The following ADAP1 variants were observed in gnomAD, a reference collection of about 807,000 sequenced individuals.
ADAP1 encodes ArfGAP with dual PH domains 1, also known as arf-GAP with dual PH domain-containing protein 1.
A neutral mutation model predicts 54.9 loss-of-function variants in ADAP1; 31 were observed. The ratio of observed to expected loss-of-function variants is 0.56; its 90% CI spans 0.42 to 0.76. The LOEUF is 0.76. Ranked by LOEUF, ADAP1 falls within the 30% of genes least tolerant of loss-of-function variation. The pLI, the probability that ADAP1 is intolerant of heterozygous loss-of-function variation, is 0.00. For synonymous variants in ADAP1, 313 were observed against 202.6 expected (o/e 1.55, Z -4.63); for missense variants, 535 against 512.4 (o/e 1.04, Z -0.42).
intron 6 of ADAP1, among the ~76,000 whole-genome samples, chr7:902,820 C>T (rs929300496): frequency 2.0e-5 from 3 of 150,550 alleles, no homozygotes; most frequent in South Asian, 2.1e-4. Flanking sequence ...ATTTCAAAAC[C>T]GCGGGACAAA....
At chr7:906,755 T>TGGACAGGGGACATCGGGGATGGGACAG (rs1845453332) in intron 4 of ADAP1, among the ~76,000 whole-genome samples, 1 of 22,236 alleles carries the variant, frequency 4.5e-5, no homozygotes, top group African/African-American at 2.0e-4. Flanking sequence ...ATAGGGGACA[T>TGGACAGGGGACATCGGGGATGGGACAG]GGACAGGGGA....
chr7:952,323 G>C (rs533360914), intron 1 of ADAP1, among the ~76,000 whole-genome samples: 2 of 152,316 alleles, frequency 1.3e-5, no homozygotes, highest in African/African-American at 4.8e-5. Flanking sequence ...TTCAGAGGTG[G>C]TCTGGGACTG....
intron 1 of ADAP1, among the ~76,000 whole-genome samples, chr7:948,468 C>A (rs1169760739): frequency 2.0e-5 from 3 of 152,130 alleles, no homozygotes; most frequent in Non-Finnish European, 4.4e-5. Flanking sequence ...CCCCTGCATG[C>A]CAGGCCGAGC....
chr7:953,622 C>A (rs991782516), intron 1 of ADAP1, among the ~76,000 whole-genome samples: 1 of 152,214 alleles, frequency 6.6e-6, no homozygotes, highest in Non-Finnish European at 1.5e-5. Flanking sequence ...GCGCAGCCGG[C>A]CTGGGGCTGA....
chr7:927,793 C>T (rs1207348077), intron 2 of ADAP1, among the ~76,000 whole-genome samples: 1 of 152,076 alleles, frequency 6.6e-6, no homozygotes, highest in Non-Finnish European at 1.5e-5. Flanking sequence ...AGAGCCTCGA[C>T]CCGAGACACA....
intron 7 of ADAP1, 145 bp from the exon 8 acceptor site, chr7:900,309 C>G: frequency 9.3e-7 from 1 of 1,073,918 alleles, no homozygotes. Context: ...ATCCACATTT[C>G]TGCCTCTGCT....
At chr7:918,034 C>G (rs767001252) in intron 4 of ADAP1, among the ~76,000 whole-genome samples, 9 of 152,164 alleles carry the variant, frequency 5.9e-5, no homozygotes. Context: ...GGAGATCTGC[C>G]CGCCTTGACC....
At position 906,699 on chromosome 7, in the gene ADAP1, AC is replaced by A. The variant is rs1562915268; in HGVS notation, c.389-1528del. ...TGGACAGGGGACACGGGGGACATGG[AC>A]ATGGGGGACGGGACATCGGGGACGG... On this transcript the variant is annotated intron_variant, in intron 4 of 10. Coordinates refer to ENST00000265846, the MANE Select transcript of ADAP1 (RefSeq NM_006869.4). Among the ~76,000 whole-genome samples, 80 of 33,760 alleles carry A rather than the reference AC, an allele frequency of 2.4e-3. 9 individuals carry two copies. Among genetic ancestry groups the A allele is most frequent in the East Asian group, 0.012 (3 of 250 alleles). 22.1% of individuals were successfully genotyped at this position (33,760 alleles called of 152,430 possible). A position where few individuals can be genotyped will look rare whatever the true frequency, so the allele number is the denominator to read the frequency against.
chr7:911,189 TCCCAGGGGTGAG>T (rs1221622693), intron 4 of ADAP1, among the ~76,000 whole-genome samples: 2 of 152,128 alleles, frequency 1.3e-5, no homozygotes, highest in Non-Finnish European at 2.9e-5. Context: ...GCTTCCCTGT[TCCCAGGGGTGAG>T]GCCAGAGGGT....
chr7:922,784 A>G (rs1276159984), intron 3 of ADAP1, among the ~76,000 whole-genome samples: 2 of 151,896 alleles, frequency 1.3e-5, no homozygotes, highest in African/African-American at 4.8e-5. Flanking sequence ...ACAGGAAAAT[A>G]GCCCGGGTGG....
At chr7:923,131 C>T (rs1398021516) in intron 3 of ADAP1, 1 of 152,132 alleles carries the variant, frequency 6.6e-6, no homozygotes, top group African/African-American at 2.4e-5. Context: ...GAGAAGCAGC[C>T]TTGAGCCTCC....
chr7:903,112 G>T (rs1443127791), intron 6 of ADAP1, among the ~76,000 whole-genome samples: 1 of 152,164 alleles, frequency 6.6e-6, no homozygotes, highest in Non-Finnish European at 1.5e-5. Context: ...CCTGGTGCCC[G>T]ACTGCCTCCA....
chr7:927,456 G>C (rs1485312638), intron 2 of ADAP1: 1 of 475,010 alleles, frequency 2.1e-6, no homozygotes, highest in African/African-American at 2.0e-5. Flanking sequence ...AAGCCCCCAA[G>C]GCAGCTGCTG....
chr7:899,306 G>GC (rs1216654360), intron 9 of ADAP1, 45 bp from the exon 10 acceptor site: 11 of 1,608,632 alleles, frequency 6.8e-6, no homozygotes, highest in Non-Finnish European at 8.5e-6. Flanking sequence ...GTCCCTTCCA[G>GC]CCCCGCTTCA....
chr7:901,695 C>G (rs1844823500), intron 6 of ADAP1, among the ~76,000 whole-genome samples: 1 of 151,092 alleles, frequency 6.6e-6, no homozygotes, highest in Non-Finnish European at 1.5e-5. Context: ...GTGGCCCTTC[C>G]TCCTAGGCCA....
At chr7:924,960 G>A (rs143331942) in intron 3 of ADAP1, among the ~76,000 whole-genome samples, 6 of 152,192 alleles carry the variant, frequency 3.9e-5, no homozygotes, top group Admixed American at 3.3e-4. Context: ...GCTGGCACCT[G>A]GGGCCTCAGA....
At chr7:923,311 G>A (rs1846256263) in intron 3 of ADAP1, 1 of 151,986 alleles carries the variant, frequency 6.6e-6, no homozygotes, top group Non-Finnish European at 1.5e-5. Flanking sequence ...GGGATGGGCA[G>A]AGAGGAGCCC....
intron 4 of ADAP1, among the ~76,000 whole-genome samples, chr7:915,508 T>C (rs1845897702): frequency 2.0e-5 from 3 of 152,182 alleles, no homozygotes; most frequent in African/African-American, 7.2e-5. Flanking sequence ...GGCCTTGGGC[T>C]CCGACCCTGC....
intron 4 of ADAP1, among the ~76,000 whole-genome samples, chr7:906,958 T>G (rs1412786397): frequency 1.3e-5 from 2 of 151,928 alleles, no homozygotes; most frequent in African/African-American, 4.8e-5. Context: ...CCAGGGACCC[T>G]CCCCATCCTG....
Sources: gnomAD v4.1 joint callset for allele counts (sites outside exome capture counted in the v4.1 genomes callset) on GRCh38, gnomAD v4.1.1 for gene constraint, MANE v1.5 for transcripts, NCBI Gene and HGNC (gene_info 2026-07-23, HGNC 2026-07-21) for gene names.